The following TBC1D8 variants were observed in gnomAD, a reference collection of about 807,000 sequenced individuals.
TBC1D8 encodes the protein BUB2-like protein 1.
In TBC1D8, 65 loss-of-function variants were observed where a neutral mutation model predicts 118.8. The observed-to-expected ratio is 0.55, with a 90% CI of 0.45 to 0.67. The LOEUF (loss-of-function observed/expected upper bound fraction) is 0.67, where lower values mean the gene tolerates loss of function less well. Among genes scored for constraint, TBC1D8 ranks in the 30% least tolerant of loss-of-function variants. The pLI is 0.00. For missense variants in TBC1D8, 1,376 were observed against 1,471.2 expected, an observed-to-expected ratio of 0.94 and a Z score of 1.06; for synonymous variants, 566 against 595.8, an observed-to-expected ratio of 0.95 and a Z score of 0.73.
intron 5 of TBC1D8, among the ~76,000 whole-genome samples, chr2:101,042,952 C>T (rs1214448524): frequency 1.3e-5 from 2 of 152,170 alleles, no homozygotes; most frequent in African/African-American, 4.8e-5. Flanking sequence ...GGCTCCCGGA[C>T]ACACGCCTTT....
At chr2:101,097,127 C>A (rs144084625) in intron 1 of TBC1D8, among the ~76,000 whole-genome samples, 53 of 152,140 alleles carry the variant, frequency 3.5e-4, no homozygotes, top group African/African-American at 1.3e-3. Flanking sequence ...TTACTGCAGA[C>A]TTCTCATTTT....
At chr2:101,046,436 A>G (rs1681707037) in intron 5 of TBC1D8, among the ~76,000 whole-genome samples, 1 of 152,128 alleles carries the variant, frequency 6.6e-6, no homozygotes, top group Non-Finnish European at 1.5e-5. Flanking sequence ...AGAACCACCT[A>G]AGCCAACCTG....
At chr2:101,088,901 T>C (rs1675820375) in intron 2 of TBC1D8, among the ~76,000 whole-genome samples, 1 of 152,118 alleles carries the variant, frequency 6.6e-6, no homozygotes, top group African/African-American at 2.4e-5. Context: ...ATGCATCATC[T>C]TTGTCATTTT....
rs566285954 is a variant in TBC1D8 at position 101,009,855 on chromosome 2, T to A, written c.3015+1074A>T. Among the ~76,000 whole-genome samples the A allele has an allele frequency of 5.1e-3, 756 of 149,166 alleles. 8 individuals are homozygous for A. The highest frequency in any genetic ancestry group is 0.018 in the Middle Eastern group (5 of 282). On this transcript the variant is annotated intron_variant, in intron 19 of 19. Coordinates refer to ENST00000409318, the MANE Select transcript of TBC1D8 (RefSeq NM_001330348.2). ...TTTTTTTTTTGAGATGGAGTCTCGC[T>A]CTGTCGCCCAGGCTGGAGTGCAGTG...
intron 1 of TBC1D8, among the ~76,000 whole-genome samples, chr2:101,097,543 A>G (rs1676544195): frequency 7.0e-6 from 1 of 142,994 alleles, no homozygotes; most frequent in Non-Finnish European, 1.5e-5. Flanking sequence ...AAGACTTGGA[A>G]ATACTCTGTT....
intron 17 of TBC1D8, among the ~76,000 whole-genome samples, chr2:101,020,699 G>A (rs1049689483): frequency 6.6e-6 from 1 of 152,132 alleles, no homozygotes; most frequent in African/African-American, 2.4e-5. Context: ...GTAATGTCCA[G>A]GTGCATCTTC....
chr2:101,028,298 G>A lies in TBC1D8; in HGVS notation c.2352+5C>T, dbSNP rs766257689. 1.0e-4 allele frequency: 161 copies of A among 1,609,968 alleles called. No homozygotes were observed. The highest frequency in any genetic ancestry group is 1.2e-4 in the Non-Finnish European group (143 of 1,178,120). ...AACGGGGCATGGGGCGGGGGTTCCC[G>A]TTACCTCATAGGAATCCCGGATCAG... On this transcript the variant is annotated splice_donor_5th_base_variant and intron_variant, in intron 13 of 19. Transcript: ENST00000409318.
intron 1 of TBC1D8, among the ~76,000 whole-genome samples, chr2:101,115,019 G>A (rs975276878): frequency 6.6e-6 from 1 of 152,174 alleles, no homozygotes; most frequent in Non-Finnish European, 1.5e-5. Flanking sequence ...AGAACCTGTC[G>A]CTTTCTCCAG....
At chr2:101,087,511 C>T (rs866946832) in intron 2 of TBC1D8, among the ~76,000 whole-genome samples, 2 of 151,708 alleles carry the variant, frequency 1.3e-5, no homozygotes, top group Non-Finnish European at 1.5e-5. Context: ...AGCGTGGTGG[C>T]GCATGCTTGC....
At chr2:101,048,727 T>G (rs1681861658) in intron 5 of TBC1D8, among the ~76,000 whole-genome samples, 1 of 134,130 alleles carries the variant, frequency 7.5e-6, no homozygotes, top group African/African-American at 3.1e-5. Flanking sequence ...ATTTCAAGAA[T>G]AATAAGTCTT....
At chr2:101,017,313 T>C (rs1007295325) in intron 17 of TBC1D8, among the ~76,000 whole-genome samples, 2 of 152,188 alleles carry the variant, frequency 1.3e-5, no homozygotes, top group African/African-American at 2.4e-5. Flanking sequence ...AAAATAATGA[T>C]AAATAGTATA....
chr2:101,143,740 T>C (rs1348778818), intron 1 of TBC1D8, among the ~76,000 whole-genome samples: 1 of 152,156 alleles, frequency 6.6e-6, no homozygotes, highest in African/African-American at 2.4e-5. Flanking sequence ...TCTGTATTTT[T>C]TTGTAGAGTC....
chr2:101,031,817 T>C (rs960018885), intron 11 of TBC1D8, among the ~76,000 whole-genome samples: 7 of 151,950 alleles, frequency 4.6e-5, no homozygotes, highest in Non-Finnish European at 1.0e-4. Flanking sequence ...ACCTACCTCC[T>C]CTCTCTAGGG....
At chr2:101,053,822 CA>C (rs1350085069) in intron 4 of TBC1D8, among the ~76,000 whole-genome samples, 1 of 152,204 alleles carries the variant, frequency 6.6e-6, no homozygotes, top group Non-Finnish European at 1.5e-5. Context: ...ATTAAGCCAT[CA>C]GTGATAACAC....
intron 2 of TBC1D8, among the ~76,000 whole-genome samples, chr2:101,062,298 G>C (rs559519525): frequency 6.7e-6 from 1 of 148,926 alleles, no homozygotes; most frequent in African/African-American, 2.5e-5. Context: ...CTGTCACTCA[G>C]AATAAAGAAA....
intron 3 of TBC1D8, among the ~76,000 whole-genome samples, chr2:101,058,848 G>A (rs888147406): frequency 8.6e-5 from 13 of 151,222 alleles, no homozygotes; most frequent in African/African-American, 2.9e-4. Context: ...GATAAAAAAA[G>A]GCCTTCACTC....
chr2:101,107,275 G>C (rs1348593815), intron 1 of TBC1D8, among the ~76,000 whole-genome samples: 4 of 152,174 alleles, frequency 2.6e-5, no homozygotes, highest in Non-Finnish European at 5.9e-5. Flanking sequence ...AATTGTAGGT[G>C]TCAACTTGAC....
intron 1 of TBC1D8, among the ~76,000 whole-genome samples, chr2:101,098,739 A>T (rs1019024858): frequency 2.0e-5 from 3 of 152,230 alleles, no homozygotes; most frequent in African/African-American, 7.2e-5. Context: ...TTTCATGGAA[A>T]TTGAACAATC....
intron 5 of TBC1D8, among the ~76,000 whole-genome samples, chr2:101,044,659 A>C (rs926371040): frequency 6.6e-6 from 1 of 152,172 alleles, no homozygotes; most frequent in Admixed American, 6.5e-5. Context: ...CCCCAGCTAC[A>C]CCTACCCTCC....
Sources: gnomAD v4.1 joint callset for allele counts (sites outside exome capture counted in the v4.1 genomes callset) on GRCh38, gnomAD v4.1.1 for gene constraint, MANE v1.5 for transcripts, NCBI Gene and HGNC (gene_info 2026-07-23, HGNC 2026-07-21) for gene names.